PEX7: variants seen among roughly 807,000 people sequenced by gnomAD.
The protein encoded by PEX7 is PTS2 receptor.
In PEX7, 34 loss-of-function variants were observed where a neutral mutation model predicts 47.5. The observed-to-expected ratio is 0.72, with a 90% CI of 0.54 to 0.95. The LOEUF is 0.95. PEX7 is among the 40% of genes least tolerant of loss of function. The pLI is 0.00. For missense variants in PEX7, 394 were observed against 400.3 expected (o/e 0.98, Z 0.13); for synonymous variants, 141 against 148.8 (o/e 0.95, Z 0.38).
In PEX7 at chr6:136,900,741, G is replaced by A; in HGVS notation, c.903+2500G>A. The stretch of plus-strand genomic sequence containing the variant: ...CCTTCTTCTTCTCCACCAAGGTGGT[G>A]ACGGTGTTAACCCCAGCTTGAAGGA... On this transcript the variant is annotated intron_variant, in intron 9 of 9. Coordinates refer to ENST00000318471, the MANE Select transcript of PEX7 (RefSeq NM_000288.4). The surrounding 1 kb of genome is among the most constrained non-coding windows in gnomAD (Gnocchi z 4.2). 2 of 354,518 alleles carry A rather than the reference G, an allele frequency of 5.6e-6. No homozygotes were observed. Among genetic ancestry groups the A allele is most frequent in the Non-Finnish European group, 1.1e-5 (2 of 183,964 alleles). 22.0% of individuals were successfully genotyped at this position (354,518 alleles called of 1,614,324 possible).
rs1190489625 is a variant in PEX7, at chr6:136,829,906, C to A, written c.339+3437C>A. 6.0e-6 allele frequency: 4 copies of A among 665,584 alleles called. No individual in the cohort carries two copies. The Admixed American group carries it at 9.3e-5, about 16-fold the overall frequency. 41.2% of individuals were successfully genotyped at this position (665,584 alleles called of 1,614,324 possible). On this transcript the variant is annotated intron_variant, in intron 3 of 9. Coordinates refer to ENST00000318471, the MANE Select transcript of PEX7 (RefSeq NM_000288.4). The stretch of plus-strand genomic sequence containing the variant: ...GAGCTGAGTTCGTGCCATTGCACTC[C>A]AGCCTGGACAACAGAGTGAGACCCT...
At chr6:136,823,011 C>T in intron 1 of PEX7, 1 of 985,464 alleles carries the variant, frequency 1.0e-6, no homozygotes, top group Non-Finnish European at 1.2e-6. Flanking sequence ...CAGTTGTGTG[C>T]AAGTGCATAT....
chr6:136,827,669 A>T (rs1348929982), intron 3 of PEX7, among the ~76,000 whole-genome samples: 3 of 151,902 alleles, frequency 2.0e-5, no homozygotes, highest in Non-Finnish European at 2.9e-5. Context: ...AGTAGCTGGG[A>T]TTACAGACGT....
At chr6:136,827,624 A>G (rs1057033490) in intron 3 of PEX7, among the ~76,000 whole-genome samples, 1 of 150,850 alleles carries the variant, frequency 6.6e-6, no homozygotes, top group Admixed American at 6.6e-5. Context: ...ACCTTCTGGA[A>G]TGGGCTCAAG....
In PEX7 at chr6:136,822,786, G is replaced by C. The variant is rs1210968366; in HGVS notation, c.121G>C (p.Gly41Arg). The change falls in exon 1 of 10, where the codon GGC becomes CGC. Residue 41 changes from glycine (G) to arginine (R), a missense_variant. Gly to Arg is a moderately radical substitution (Grantham distance 125). Transcript: ENST00000318471. ...GGCCTGCGCCACCGCGCAGCACTAC[G>C]GCATCGCGGGTGAGGCGGCGCCGCG... The part of the protein sequence containing the change: ...RLACATAQHY[G>R]IAGCGTLLIL... 1.5e-6 allele frequency: 2 copies of C among 1,344,426 alleles called. No homozygotes were observed. Among genetic ancestry groups the C allele is most frequent in the East Asian group, 6.3e-5 (2 of 31,584 alleles). 83.3% of individuals were successfully genotyped at this position (1,344,426 alleles called of 1,614,324 possible). A position where few individuals can be genotyped will look rare whatever the true frequency, so the allele number is the denominator to read the frequency against.
At chr6:136,893,130 TG>T (rs1410777477) in intron 8 of PEX7, among the ~76,000 whole-genome samples, 1 of 152,222 alleles carries the variant, frequency 6.6e-6, no homozygotes, top group Non-Finnish European at 1.5e-5. Context: ...TTTATTAAAA[TG>T]TTTTAAAATA....
chr6:136,867,503 TA>T (rs1045275732), intron 6 of PEX7, among the ~76,000 whole-genome samples: 18 of 145,510 alleles, frequency 1.2e-4, no homozygotes, highest in East Asian at 4.0e-4. Context: ...GTTTAAAAAG[TA>T]AAAAAAAAAA....
chr6:136,859,713 A>G (rs991432974), intron 5 of PEX7, among the ~76,000 whole-genome samples: 5 of 152,100 alleles, frequency 3.3e-5, no homozygotes, highest in Non-Finnish European at 7.4e-5. Flanking sequence ...TTCCTTGCCC[A>G]TATTGTACAT....
At chr6:136,883,556 C>T (rs1775413117) in intron 8 of PEX7, among the ~76,000 whole-genome samples, 1 of 152,130 alleles carries the variant, frequency 6.6e-6, no homozygotes, top group Non-Finnish European at 1.5e-5. Flanking sequence ...TCTTAGGGTT[C>T]ATCATAGAAT....
At chr6:136,845,720 C>T (rs373287524) in intron 4 of PEX7, 28 bp downstream of exon 4, 137 of 1,306,950 alleles carry the variant, frequency 1.0e-4, no homozygotes, top group African/African-American at 8.7e-4. Flanking sequence ...TATTCAAAAA[C>T]GAATATTCCC....
rs143527955 is a variant in PEX7, at chr6:136,846,074, G to T, written c.419G>T (p.Trp140Leu). Residue 140 changes from tryptophan to leucine, a missense_variant and splice_region_variant, in exon 5 of 10, where the codon TGG becomes TTG. Trp to Leu is a moderately conservative substitution (Grantham distance 61, BLOSUM62 -2). Coordinates refer to ENST00000318471, the MANE Select transcript of PEX7 (RefSeq NM_000288.4). ...ATTGATCTATTCATTTATTTGTAGT[G>T]GGATCCAACTGTTGGAAAGTCTCTG... ...SGSWDQTVKLWDPTVGKSLCT... is the reference protein window; with the variant it reads ...SGSWDQTVKLLDPTVGKSLCT... 8.2e-6 allele frequency: 13 copies of T among 1,594,366 alleles called. No individual in the cohort carries two copies. Among genetic ancestry groups the T allele is most frequent in the Non-Finnish European group, 1.0e-5 (12 of 1,162,312 alleles).
chr6:136,875,416 A>G (rs184306451), intron 8 of PEX7, among the ~76,000 whole-genome samples: 176 of 152,290 alleles, frequency 1.2e-3, no homozygotes, highest in African/African-American at 3.4e-3. Flanking sequence ...CAAGAGGTGT[A>G]TAATAGGAAA....
chr6:136,904,837 T>G (rs998094525), intron 9 of PEX7, among the ~76,000 whole-genome samples: 57 of 152,290 alleles, frequency 3.7e-4, no homozygotes, highest in African/African-American at 1.4e-3. Context: ...ATCCCTTCAC[T>G]GTTGACATCT....
At chr6:136,822,822 C>CGG in intron 1 of PEX7, 27 bp downstream of exon 1, 1 of 1,230,166 alleles carries the variant, frequency 8.1e-7, no homozygotes, top group South Asian at 3.3e-5. Context: ...CAGCTGGGGC[C>CGG]GGGGGGCGGA....
intron 5 of PEX7, among the ~76,000 whole-genome samples, chr6:136,859,617 T>C (rs74319691): frequency 0.043 from 6,578 of 152,218 alleles, 168 homozygotes; most frequent in African/African-American, 0.078. Context: ...TTCCCAGTTT[T>C]AGACTCTTAT....
intron 5 of PEX7, among the ~76,000 whole-genome samples, chr6:136,848,518 C>T (rs1439893507): frequency 6.6e-6 from 1 of 152,176 alleles, no homozygotes; most frequent in Non-Finnish European, 1.5e-5. Context: ...TTTTGAGATA[C>T]ATCCCATCAA....
chr6:136,911,876 CA>C (rs1424655353), intron 9 of PEX7, among the ~76,000 whole-genome samples: 7 of 152,236 alleles, frequency 4.6e-5, no homozygotes, highest in South Asian at 2.1e-4. Flanking sequence ...AATTGTTTTC[CA>C]AAATGGTGGT....
chr6:136,874,323 G>T (rs750273136), intron 8 of PEX7, among the ~76,000 whole-genome samples: 41 of 152,154 alleles, frequency 2.7e-4, no homozygotes, highest in Non-Finnish European at 4.6e-4. Context: ...TCTCTAACGG[G>T]ATCAAGTTTG....
At chr6:136,867,239 G>A (rs185594082) in intron 6 of PEX7, among the ~76,000 whole-genome samples, 5 of 152,256 alleles carry the variant, frequency 3.3e-5, no homozygotes, top group South Asian at 2.1e-4. Context: ...CCACATGAGC[G>A]TATGAATCAG....
Sources: gnomAD v4.1 joint callset for allele counts (sites outside exome capture counted in the v4.1 genomes callset) on GRCh38, gnomAD v4.1.1 for gene constraint, Gnocchi (gnomAD v3.1) non-coding constraint, MANE v1.5 for transcripts, NCBI Gene and HGNC (gene_info 2026-07-23, HGNC 2026-07-21) for gene names.